Variants in PLPPR1 observed in about 807,000 individuals in gnomAD.
The protein encoded by PLPPR1 is phospholipid phosphatase related 1, also known as phospholipid phosphatase-related protein type 1.
Under a neutral mutation model 33.1 loss-of-function variants are expected in PLPPR1, and 10 were observed. The observed-to-expected ratio is 0.30, with a 90% CI of 0.19 to 0.51. The LOEUF is 0.51. PLPPR1 is among the 20% of genes least tolerant of loss of function. The pLI, the probability that PLPPR1 is intolerant of heterozygous loss-of-function variation, is 0.97. For missense variants in PLPPR1, 304 were observed against 408.1 expected, an observed-to-expected ratio of 0.74 and a Z score of 2.20; for synonymous variants, 151 against 151.0, an observed-to-expected ratio of 1.00 and a Z score of 0.00.
intron 1 of PLPPR1, among the ~76,000 whole-genome samples, chr9:101,065,455 G>T (rs912675378): frequency 1.4e-4 from 21 of 151,964 alleles, no homozygotes; most frequent in Non-Finnish European, 2.6e-4. Flanking sequence ...AATTGGTCTT[G>T]GTTTCCCAGC....
chr9:101,182,947 A>G (rs1826140466), intron 1 of PLPPR1, among the ~76,000 whole-genome samples: 1 of 151,748 alleles, frequency 6.6e-6, no homozygotes, highest in African/African-American at 2.4e-5. Flanking sequence ...ATGAGATATC[A>G]TTTCACGCCC....
chr9:101,210,672 G>A (rs1458030481), intron 2 of PLPPR1, among the ~76,000 whole-genome samples: 1 of 152,120 alleles, frequency 6.6e-6, no homozygotes, highest in Non-Finnish European at 1.5e-5. Context: ...GCAATCTACT[G>A]CTTTATCTTT....
intron 1 of PLPPR1, among the ~76,000 whole-genome samples, chr9:101,146,371 CT>C (rs1831522097): frequency 6.6e-6 from 1 of 152,154 alleles, no homozygotes; most frequent in African/African-American, 2.4e-5. Context: ...ATAAGGATAC[CT>C]GATATTAAGC....
intron 1 of PLPPR1, among the ~76,000 whole-genome samples, chr9:101,137,917 A>G (rs1329497051): frequency 1.3e-5 from 2 of 152,360 alleles, no homozygotes; most frequent in South Asian, 2.1e-4. Context: ...TTCACAAATA[A>G]TAAGCAAGTG....
At chr9:101,248,664 C>T (rs1827657932) in intron 2 of PLPPR1, among the ~76,000 whole-genome samples, 1 of 152,028 alleles carries the variant, frequency 6.6e-6, no homozygotes, top group Non-Finnish European at 1.5e-5. Context: ...GAGATCCTTT[C>T]CCCTATCATG....
At position 101,030,363 on chromosome 9, in the gene PLPPR1, A is replaced by G. The variant is rs116384674; in HGVS notation, c.-46+1261A>G. On this transcript the variant is annotated intron_variant, in intron 1 of 7. Coordinates refer to ENST00000374874, the MANE Select transcript of PLPPR1 (RefSeq NM_207299.2). ...GGGACGTACACTACAGCCTTCACTG[A>G]ATTTCTATGCCCCTTCTGCTTGTAT... 7.8e-3 allele frequency among the ~76,000 whole-genome samples: 1,167 copies of G among 150,494 alleles called. 11 individuals carry two copies. Among genetic ancestry groups the G allele is most frequent in the African/African-American group, 0.028 (1,130 of 40,874 alleles).
At chr9:101,250,133 C>T (rs975843260) in intron 2 of PLPPR1, among the ~76,000 whole-genome samples, 1 of 152,052 alleles carries the variant, frequency 6.6e-6, no homozygotes, top group Non-Finnish European at 1.5e-5. Context: ...TATAGCACAA[C>T]ATGGAAGAGC....
chr9:101,212,409 C>T (rs1052358976), intron 2 of PLPPR1, among the ~76,000 whole-genome samples: 6 of 152,092 alleles, frequency 3.9e-5, no homozygotes, highest in African/African-American at 1.2e-4. Flanking sequence ...ACTCACATTC[C>T]GTTGCTTTTG....
rs958859200 is a variant in PLPPR1 at position 101,063,467 on chromosome 9, T to A, written c.-46+34365T>A. On this transcript the variant is annotated intron_variant, in intron 1 of 7. Coordinates refer to ENST00000374874, the MANE Select transcript of PLPPR1 (RefSeq NM_207299.2). The stretch of plus-strand genomic sequence containing the variant: ...TGGCCAAGATTCAGTCACATAACTA[T>A]GCTTACATGCAAGGGAGAAGGAGGA... Among the ~76,000 whole-genome samples the A allele has an allele frequency of 2.4e-4, 37 of 152,212 alleles. No homozygotes were observed. In the Middle Eastern group the frequency reaches 0.014, roughly 56 times the overall value.
Position 101,073,067 on chromosome 9 carries a change from T to C in PLPPR1, c.-46+43965T>C, listed in dbSNP as rs753127769. 2.6e-5 allele frequency among the ~76,000 whole-genome samples: 4 copies of C among 152,186 alleles called. No homozygotes were observed. The South Asian group carries it at 8.3e-4, about 32-fold the overall frequency. ...GAAAATCAAAGGTAGCTACTATTAT[T>C]ATGCAGATAAAACAAAGACAATTGG... On this transcript the variant is annotated intron_variant, in intron 1 of 7. Transcript: ENST00000374874.
intron 1 of PLPPR1, among the ~76,000 whole-genome samples, chr9:101,059,915 T>C (rs1564132993): frequency 1.3e-5 from 2 of 152,002 alleles, no homozygotes; most frequent in Non-Finnish European, 2.9e-5. Flanking sequence ...AAGGTTGCTT[T>C]AAAAATTATC....
intron 1 of PLPPR1, among the ~76,000 whole-genome samples, chr9:101,095,542 C>T (rs10819896): frequency 0.43 from 64,729 of 151,934 alleles, 14,046 homozygotes; most frequent in Non-Finnish European, 0.47. Context: ...TAACATAATC[C>T]TTTTTTAAAA....
At chr9:101,262,626 C>T (rs1248835541) in intron 2 of PLPPR1, among the ~76,000 whole-genome samples, 1 of 152,114 alleles carries the variant, frequency 6.6e-6, no homozygotes, top group Non-Finnish European at 1.5e-5. Flanking sequence ...ACCAGAAATA[C>T]CATTTGAGCC....
chr9:101,309,319 C>G lies in PLPPR1; in HGVS notation c.494C>G (p.Thr165Ser), dbSNP rs775413062. 1.2e-6 allele frequency: 2 copies of G among 1,614,160 alleles called. No homozygotes were observed. Among genetic ancestry groups the G allele is most frequent in the South Asian group, 2.2e-5 (2 of 91,086 alleles). ...CTGACTGTGTGCAAGCCAAACTACA[C>G]CAGTGCAGACTGCCAAGCGCACCAC... ...YFLTVCKPNY[T>S]SADCQAHHQF... The change falls in exon 5 of 8, where the codon ACC becomes AGC. Residue 165 changes from threonine (T) to serine (S), a missense_variant. Thr to Ser is a moderately conservative substitution (Grantham distance 58). Transcript: ENST00000374874.
intron 1 of PLPPR1, among the ~76,000 whole-genome samples, chr9:101,171,777 A>G (rs113755998): frequency 0.013 from 1,943 of 152,252 alleles, 47 homozygotes; most frequent in African/African-American, 0.045. Flanking sequence ...GAGAAATTAA[A>G]TGCAAATTAA....
intron 3 of PLPPR1, among the ~76,000 whole-genome samples, chr9:101,280,386 T>G (rs1374074533): frequency 6.6e-6 from 1 of 152,126 alleles, no homozygotes; most frequent in Non-Finnish European, 1.5e-5. Flanking sequence ...CCAATTTTAC[T>G]CAAACTATTC....
chr9:101,123,458 C>G (rs895089955), intron 1 of PLPPR1, among the ~76,000 whole-genome samples: 2 of 151,964 alleles, frequency 1.3e-5, no homozygotes, highest in Non-Finnish European at 2.9e-5. Context: ...GACCCAACAC[C>G]AGGTCGTGGG....
chr9:101,318,261 G>C (rs918218280), intron 7 of PLPPR1, among the ~76,000 whole-genome samples: 9 of 151,760 alleles, frequency 5.9e-5, no homozygotes, highest in Admixed American at 1.3e-4. Flanking sequence ...ACAAAGTGCT[G>C]TATGAATACA....
intron 2 of PLPPR1, among the ~76,000 whole-genome samples, chr9:101,191,456 C>T (rs1458776027): frequency 6.6e-6 from 1 of 152,172 alleles, no homozygotes; most frequent in Non-Finnish European, 1.5e-5. Context: ...CGTTCCACTT[C>T]TGTTACTCTT....
Sources: allele counts gnomAD v4.1 joint callset (sites outside exome capture counted in the v4.1 genomes callset), GRCh38; gene constraint gnomAD v4.1.1; transcripts MANE v1.5; gene names NCBI Gene and HGNC (gene_info 2026-07-23, HGNC 2026-07-21).